The following TAFA2 variants were observed in gnomAD, a reference collection of about 807,000 sequenced individuals.
TAFA2 encodes the protein TAFA chemokine like family member 2.
TAFA2 carries 7 observed loss-of-function variants against 18.8 expected under a neutral mutation model. That is an observed-to-expected ratio of 0.37 (90% CI 0.21 to 0.70). The LOEUF is 0.70. Among genes scored for constraint, TAFA2 ranks in the 30% least tolerant of loss-of-function variants. TAFA2 has a pLI of 0.53. For missense variants in TAFA2, 122 were observed against 158.1 expected (o/e 0.77, Z 1.23); for synonymous variants, 60 against 54.2 (o/e 1.11, Z -0.47).
intron 1 of TAFA2, among the ~76,000 whole-genome samples, chr12:62,129,773 T>C (rs1011980999): frequency 2.0e-5 from 3 of 151,998 alleles, no homozygotes; most frequent in Admixed American, 6.6e-5. Context: ...GAAATGCTTC[T>C]AGCACCTCTT....
chr12:62,176,955 G>A (rs2062518127), intron 1 of TAFA2, among the ~76,000 whole-genome samples: 1 of 152,184 alleles, frequency 6.6e-6, no homozygotes, highest in Non-Finnish European at 1.5e-5. Context: ...TACAAGCTGT[G>A]TGGCCTTGGT....
chr12:61,904,063 T>C (rs1439944398), intron 1 of TAFA2, among the ~76,000 whole-genome samples: 1 of 152,134 alleles, frequency 6.6e-6, no homozygotes, highest in Non-Finnish European at 1.5e-5. Context: ...ACTGACACAA[T>C]ATTATAGAAG....
chr12:61,927,126 C>T (rs1877336783), intron 1 of TAFA2, among the ~76,000 whole-genome samples: 1 of 149,986 alleles, frequency 6.7e-6, no homozygotes, highest in African/African-American at 2.5e-5. Flanking sequence ...CCCTCTTTCA[C>T]CACTCCTATT....
At chr12:62,168,731 G>A (rs1243101456) in intron 1 of TAFA2, among the ~76,000 whole-genome samples, 4 of 152,076 alleles carry the variant, frequency 2.6e-5, no homozygotes, top group Non-Finnish European at 5.9e-5. Context: ...CAAGTACTCT[G>A]GAGGCTGAGG....
intron 1 of TAFA2, among the ~76,000 whole-genome samples, chr12:61,901,705 G>A (rs1029484425): frequency 1.3e-5 from 2 of 151,986 alleles, no homozygotes; most frequent in African/African-American, 2.4e-5. Flanking sequence ...TGAATTGAAG[G>A]CACCACACTA....
At chr12:61,751,099 T>G (rs557208741) in intron 4 of TAFA2, among the ~76,000 whole-genome samples, 64 of 152,240 alleles carry the variant, frequency 4.2e-4, no homozygotes, top group African/African-American at 1.5e-3. Context: ...TCTGCCTCTA[T>G]TCAACATTTC....
intron 2 of TAFA2, among the ~76,000 whole-genome samples, chr12:61,800,362 C>T (rs1871352594): frequency 6.6e-6 from 1 of 151,928 alleles, no homozygotes; most frequent in African/African-American, 2.4e-5. Context: ...AATTTGACAG[C>T]TTGATGCAAT....
chr12:61,959,394 A>T (rs899955090), intron 1 of TAFA2, among the ~76,000 whole-genome samples: 1 of 151,962 alleles, frequency 6.6e-6, no homozygotes, highest in Non-Finnish European at 1.5e-5. Context: ...TTCTTTTTAA[A>T]TTTAGTTCTA....
chr12:61,740,947 A>G (rs1366617286), intron 4 of TAFA2, among the ~76,000 whole-genome samples: 1 of 151,892 alleles, frequency 6.6e-6, no homozygotes, highest in East Asian at 1.9e-4. Flanking sequence ...AATATTAAAC[A>G]TTATAATAAA....
At chr12:61,770,096 C>A (rs1340080104) in intron 2 of TAFA2, among the ~76,000 whole-genome samples, 1 of 151,910 alleles carries the variant, frequency 6.6e-6, no homozygotes, top group African/African-American at 2.4e-5. Flanking sequence ...ATGCAAAATA[C>A]ACTGGAAAAT....
At chr12:62,003,713 T>C (rs1880454751) in intron 1 of TAFA2, among the ~76,000 whole-genome samples, 1 of 152,236 alleles carries the variant, frequency 6.6e-6, no homozygotes, top group African/African-American at 2.4e-5. Flanking sequence ...TTAGACTCCA[T>C]GAGGCACAAA....
At chr12:62,188,393 G>A (rs1004445259) in intron 1 of TAFA2, among the ~76,000 whole-genome samples, 1 of 152,136 alleles carries the variant, frequency 6.6e-6, no homozygotes, top group Non-Finnish European at 1.5e-5. Context: ...TTGCACTCTG[G>A]TTGTTTCATC....
chr12:61,743,466 G>A (rs868819708), intron 4 of TAFA2, among the ~76,000 whole-genome samples: 1 of 151,950 alleles, frequency 6.6e-6, no homozygotes, highest in African/African-American at 2.4e-5. Context: ...TGCTCCTAGT[G>A]CTTTAATTCC....
chr12:62,249,505 C>G (rs1343831142), intron 1 of TAFA2, among the ~76,000 whole-genome samples: 2 of 152,136 alleles, frequency 1.3e-5, no homozygotes, highest in African/African-American at 4.8e-5. Flanking sequence ...CCTGGCACCT[C>G]TCCCCACGCT....
chr12:61,960,086 A>C (rs1878830175), intron 1 of TAFA2, among the ~76,000 whole-genome samples: 1 of 152,008 alleles, frequency 6.6e-6, no homozygotes, highest in South Asian at 2.1e-4. Flanking sequence ...GTGTGTGCTG[A>C]AGTTTGATTT....
chr12:61,772,446 T>C (rs1464821792), intron 2 of TAFA2, among the ~76,000 whole-genome samples: 1 of 151,832 alleles, frequency 6.6e-6, no homozygotes, highest in South Asian at 2.1e-4. Context: ...TACAGACCAA[T>C]GTCCCTGATG....
chr12:61,914,208 C>T (rs1443673366), intron 1 of TAFA2, among the ~76,000 whole-genome samples: 2 of 152,126 alleles, frequency 1.3e-5, no homozygotes, highest in East Asian at 1.9e-4. Context: ...GAGGACAGTG[C>T]TAAAAGTTCA....
chr12:61,715,716 C>T (rs1399424500), intron 4 of TAFA2, among the ~76,000 whole-genome samples: 5 of 148,590 alleles, frequency 3.4e-5, no homozygotes, highest in African/African-American at 1.0e-4. Flanking sequence ...GAGACCAGCC[C>T]GGGCAACATG....
In TAFA2 at chr12:61,808,603, T is replaced by C. The variant is rs149413246; in HGVS notation, c.107-53579A>G. 1.4e-4 allele frequency among the ~76,000 whole-genome samples: 21 copies of C among 151,464 alleles called. 1 individual carries two copies. Among genetic ancestry groups the C allele is most frequent in the African/African-American group, 4.4e-4 (18 of 40,822 alleles). ...GGAGGTAGAAATGAGAAAAAAGTCA[T>C]GTAGTTTAGCAGGAAGTTACGGTTG... is the stretch of plus-strand genomic sequence containing the variant. On this transcript the variant is annotated intron_variant, in intron 2 of 4. Transcript: ENST00000416284.
Sources: allele counts gnomAD v4.1 joint callset (sites outside exome capture counted in the v4.1 genomes callset), GRCh38; gene constraint gnomAD v4.1.1; transcripts MANE v1.5; gene names NCBI Gene and HGNC (gene_info 2026-07-23, HGNC 2026-07-21).